The following ELP1 variants were observed in gnomAD, a reference collection of about 807,000 sequenced individuals.
The protein encoded by ELP1 is elongator acetyltransferase complex subunit 1, also known as elongator complex protein 1.
ELP1 carries 131 observed loss-of-function variants against 183.2 expected under a neutral mutation model. That is an observed-to-expected ratio of 0.72 (90% CI 0.62 to 0.83). The LOEUF is 0.83. Ranked by LOEUF, ELP1 falls within the 40% of genes least tolerant of loss-of-function variation. The pLI, the probability that ELP1 is intolerant of heterozygous loss-of-function variation, is 0.00. For synonymous variants in ELP1, 555 were observed against 569.0 expected, an observed-to-expected ratio of 0.98 and a Z score of 0.35; for missense variants, 1,550 against 1,594.9, an observed-to-expected ratio of 0.97 and a Z score of 0.48.
At position 108,891,320 on chromosome 9, in the gene ELP1, G is replaced by A. The variant is rs762687399; in HGVS notation, c.3043C>T (p.His1015Tyr). The A allele has an allele frequency of 3.7e-5, 60 of 1,613,956 alleles. No individual in the cohort carries two copies. Among genetic ancestry groups the A allele is most frequent in the Admixed American group, 5.0e-5 (3 of 60,006 alleles). ...AGAAAGGCTGAGAGAGCTTTCTCGT[G>A]GGCACCGCAACGGGCAAACATGAGC... is the stretch of plus-strand genomic sequence containing the variant. ...AGLMFARCGA[H>Y]EKALSAFLTC... The change falls in exon 28 of 37, where the codon CAC (histidine) becomes TAC (tyrosine). Residue 1015 changes from histidine to tyrosine, a missense_variant. By Grantham distance (83) the His-to-Tyr change is moderately conservative. Transcript: ENST00000374647.
rs1370321841 is a variant in ELP1, at chr9:108,881,746, A to T, written c.3305T>A (p.Leu1102Gln). Residue 1102 changes from leucine to glutamine, a missense_variant, in exon 31 of 37, where the codon CTG becomes CAG. Physicochemically the swap from Leu to Gln is moderately radical, Grantham distance 113. Coordinates refer to ENST00000374647, the MANE Select transcript of ELP1 (RefSeq NM_003640.5). ...ALRLVYKYNR[L>Q]DIIETNVKPS... Reference sequence around the variant, plus strand: ...CTTTACGTTGGTTTCTATAATATCCAGTCTGTTATATTTGTATACCTAGAA... The same window carrying T: ...CTTTACGTTGGTTTCTATAATATCCTGTCTGTTATATTTGTATACCTAGAA... 5.7e-6 allele frequency: 9 copies of T among 1,577,366 alleles called. No individual in the cohort carries two copies. Among genetic ancestry groups the T allele is most frequent in the Non-Finnish European group, 7.8e-6 (9 of 1,146,928 alleles).
At chr9:108,917,517 T>C (rs2132027685) in intron 9 of ELP1, 30 bp downstream of exon 9, 1 of 1,607,038 alleles carries the variant, frequency 6.2e-7, no homozygotes. Flanking sequence ...GTCCTCTACA[T>C]TCGAGGGTGA....
In ELP1 at chr9:108,900,348, T is replaced by G. The variant is rs1312815600; in HGVS notation, c.2042A>C (p.His681Pro). 6.2e-7 allele frequency: 1 copy of G among 1,614,160 alleles called. No individual in the cohort carries two copies. Among genetic ancestry groups the G allele is most frequent in the South Asian group, 1.1e-5 (1 of 91,078 alleles). The change falls in exon 19 of 37, where the codon CAT (histidine) becomes CCT (proline). Residue 681 changes from histidine to proline, a missense_variant. Coordinates refer to ENST00000374647, the MANE Select transcript of ELP1 (RefSeq NM_003640.5). ...CCGCAGAACTTCCCCATGGGACACA[T>G]GATTGCTGCTCAGGCCGGCCTGTAA... ...KTLQAGLSSN[H>P]VSHGEVLRKV...
chr9:108,898,244 A>AC (rs1210208289), intron 22 of ELP1, among the ~76,000 whole-genome samples: 9 of 152,262 alleles, frequency 5.9e-5, no homozygotes, highest in Admixed American at 5.9e-4. Context: ...CCTAGGAAAA[A>AC]CAAGTAGTTT....
rs539544212 is a variant in ELP1 at position 108,906,486 on chromosome 9, C to T, written c.1461-1G>A. The T allele has an allele frequency of 1.2e-6, 2 of 1,612,052 alleles. No individual in the cohort carries two copies. Among genetic ancestry groups the T allele is most frequent in the South Asian group, 1.1e-5 (1 of 91,032 alleles). On this transcript the variant is annotated splice_acceptor_variant, in intron 13 of 36. Coordinates refer to ENST00000374647, the MANE Select transcript of ELP1 (RefSeq NM_003640.5). LOFTEE classifies it high-confidence loss of function. ...ATCTTCATTATTCTCAAACTGGATT[C>T]TATTGTAAATATTGAAGAATATCCA...
intron 25 of ELP1, among the ~76,000 whole-genome samples, chr9:108,895,412 A>AG: frequency 6.6e-6 from 1 of 152,130 alleles, no homozygotes. Context: ...AGAATTAGCC[A>AG]GGGGAATGGT....
Position 108,882,863 on chromosome 9 carries a change from G to A in ELP1, c.3223-676C>T, listed in dbSNP as rs199671917. Among the ~76,000 whole-genome samples the A allele has an allele frequency of 9.9e-5, 15 of 152,228 alleles. No individual in the cohort carries two copies. The East Asian group carries it at 2.7e-3, about 28-fold the overall frequency. Reference sequence around the variant, plus strand: ...CTGTCTCAATCTGCCAAGCAGCTGGGTTTACAGGCGTTTGCTCATTTCAAA... The same window carrying A: ...CTGTCTCAATCTGCCAAGCAGCTGGATTTACAGGCGTTTGCTCATTTCAAA... On this transcript the variant is annotated intron_variant, in intron 29 of 36. Transcript: ENST00000374647.
chr9:108,868,309 T>C lies in ELP1; in HGVS notation c.*806A>G, dbSNP rs549486672. 6.3e-6 allele frequency: 1 copy of C among 158,436 alleles called. No individual in the cohort carries two copies. Among genetic ancestry groups the C allele is most frequent in the Non-Finnish European group, 1.4e-5 (1 of 72,544 alleles). 9.8% of individuals were successfully genotyped at this position (158,436 alleles called of 1,614,324 possible). ...ATTGAATAAAGAGAAGTCAGTAAAG[T>C]ACCATGACGAAAAATAAATGAAGTG... On this transcript the variant is annotated 3_prime_UTR_variant, in exon 37 of 37. Coordinates refer to ENST00000374647, the MANE Select transcript of ELP1 (RefSeq NM_003640.5).
rs1827317275 is a variant in ELP1 at position 108,868,519 on chromosome 9, C to T, written c.*596G>A. 1 of 406,146 alleles carries T rather than the reference C, an allele frequency of 2.5e-6. No individual in the cohort carries two copies. 25.2% of individuals were successfully genotyped at this position (406,146 alleles called of 1,614,324 possible). ...AACTCTCTAGCAGAAAATACACAGG[C>T]AGTAAAACAGTCCCTATAGACATTG... On this transcript the variant is annotated 3_prime_UTR_variant, in exon 37 of 37. Transcript: ENST00000374647.
chr9:108,891,139 C>A, intron 28 of ELP1, 64 bp downstream of exon 28: 1 of 1,523,586 alleles, frequency 6.6e-7, no homozygotes, highest in Non-Finnish European at 9.1e-7. Flanking sequence ...GCAAAATTAC[C>A]AAACAAAAGA....
intron 25 of ELP1, among the ~76,000 whole-genome samples, chr9:108,896,206 G>C (rs1194124854): frequency 1.3e-5 from 2 of 152,048 alleles, no homozygotes; most frequent in South Asian, 4.2e-4. Context: ...GCAGTAAGCC[G>C]AGATCGCACC....
chr9:108,924,282 C>A (rs1319455677), intron 5 of ELP1, among the ~76,000 whole-genome samples: 2 of 152,128 alleles, frequency 1.3e-5, no homozygotes, highest in Admixed American at 6.5e-5. Context: ...AGCTGCAACA[C>A]AGATCATACA....
In ELP1 at chr9:108,892,981, C is replaced by T; in HGVS notation, c.2958+5G>A. 1 of 1,604,226 alleles carries T rather than the reference C, an allele frequency of 6.2e-7. No homozygotes were observed. The highest frequency in any genetic ancestry group is 8.5e-7 in the Non-Finnish European group (1 of 1,170,914). Reference sequence around the variant, plus strand: ...AGGAGAGCCTCATTTTCACATACCACATACCTGGTACTGTTGTGAGCTTGG... The same window carrying T: ...AGGAGAGCCTCATTTTCACATACCATATACCTGGTACTGTTGTGAGCTTGG... On this transcript the variant is annotated splice_donor_5th_base_variant and intron_variant, in intron 27 of 36. Coordinates refer to ENST00000374647, the MANE Select transcript of ELP1 (RefSeq NM_003640.5).
At chr9:108,872,789 A>T (rs1827515967) in intron 36 of ELP1, among the ~76,000 whole-genome samples, 1 of 116,254 alleles carries the variant, frequency 8.6e-6, no homozygotes, top group Admixed American at 9.7e-5. Flanking sequence ...TGGGCCACAG[A>T]GCAAGACTCT....
chr9:108,916,440 C>T (rs1829437151), intron 9 of ELP1, 143 bp from the exon 10 acceptor site: 1 of 712,154 alleles, frequency 1.4e-6, no homozygotes, highest in Non-Finnish European at 2.5e-6. Flanking sequence ...CCTACAGAGG[C>T]ATTAAACAAA....
intron 3 of ELP1, 100 bp from the exon 4 acceptor site, chr9:108,927,553 G>C (rs554646316): frequency 1.1e-6 from 1 of 913,354 alleles, no homozygotes; most frequent in African/African-American, 1.6e-5. Flanking sequence ...AAAACGAAAA[G>C]ACATCAGTAT....
intron 18 of ELP1, among the ~76,000 whole-genome samples, chr9:108,900,929 C>T (rs546528786): frequency 0.011 from 1,298 of 122,798 alleles, 4 homozygotes; most frequent in East Asian, 0.035. Flanking sequence ...ATACACGCCA[C>T]ACACACATAC....
In ELP1 at chr9:108,930,038, T is replaced by G. The variant is rs55742404; in HGVS notation, c.151-117A>C. On this transcript the variant is annotated intron_variant, in intron 2 of 36. Transcript: ENST00000374647. ...ATTACATAAAAGCTTTCAAAAATAT[T>G]TTTTCTAGATGAAAATCCAAACTTT... is the stretch of plus-strand genomic sequence containing the variant. 3.5e-3 allele frequency: 4,314 copies of G among 1,217,308 alleles called. 29 individuals carry two copies. The highest frequency in any genetic ancestry group is 0.015 in the Middle Eastern group (54 of 3,654). 75.4% of individuals were successfully genotyped at this position (1,217,308 alleles called of 1,614,324 possible).
chr9:108,896,181 C>T (rs1204589994), intron 25 of ELP1, among the ~76,000 whole-genome samples: 1 of 152,026 alleles, frequency 6.6e-6, no homozygotes, highest in Non-Finnish European at 1.5e-5. Flanking sequence ...GGCGTGAACA[C>T]GGGAGGTGGA....
Sources: allele counts gnomAD v4.1 joint callset (sites outside exome capture counted in the v4.1 genomes callset), GRCh38; gene constraint gnomAD v4.1.1; transcripts MANE v1.5; gene names NCBI Gene and HGNC (gene_info 2026-07-23, HGNC 2026-07-21).